ELAC1: variants seen among roughly 807,000 people sequenced by gnomAD.
ELAC1 encodes elaC ribonuclease Z 1.
Under a neutral mutation model 25.8 loss-of-function variants are expected in ELAC1, and 19 were observed. The ratio of observed to expected loss-of-function variants is 0.74; its 90% confidence interval spans 0.51 to 1.08. The LOEUF is 1.08. Among genes scored for constraint, ELAC1 ranks in the 50% least tolerant of loss-of-function variants. The pLI is 0.00. For missense variants in ELAC1, 403 were observed against 434.6 expected (o/e 0.93, Z 0.65); for synonymous variants, 148 against 160.9 (o/e 0.92, Z 0.61).
At chr18:50,986,472 A>G in intron 3 of ELAC1, 147 bp from the exon 4 acceptor site, 1 of 672,556 alleles carries the variant, frequency 1.5e-6, no homozygotes, top group Non-Finnish European at 2.5e-6. Flanking sequence ...TTAAAAATGT[A>G]TAAATCCAGT....
intron 1 of ELAC1, among the ~76,000 whole-genome samples, chr18:50,972,270 T>C (rs930438669): frequency 3.3e-5 from 5 of 152,130 alleles, no homozygotes; most frequent in Admixed American, 2.6e-4. Context: ...ACGTGAAGTG[T>C]ATTTTTATAT....
intron 3 of ELAC1, among the ~76,000 whole-genome samples, chr18:50,986,138 G>C (rs1908104226): frequency 6.6e-6 from 1 of 150,402 alleles, no homozygotes. Context: ...TTGTGCCTTG[G>C]CCTCCCATAT....
rs1026255352 is a variant in ELAC1, at chr18:50,971,775, A to G, written c.-8-2622A>G. The stretch of plus-strand genomic sequence containing the variant: ...TTATTTATTAACTTAAATTTTTTAA[A>G]TAGATACACGATAGTTGTTTGAACC... On this transcript the variant is annotated intron_variant, in intron 1 of 3. Transcript: ENST00000269466. 1.5e-4 allele frequency among the ~76,000 whole-genome samples: 23 copies of G among 151,386 alleles called. 1 individual carries two copies. Among genetic ancestry groups the G allele is most frequent in the African/African-American group, 2.4e-5 (1 of 41,244 alleles).
chr18:50,984,429 C>T lies in ELAC1; in HGVS notation c.491C>T (p.Ser164Leu). 6.2e-7 allele frequency: 1 copy of T among 1,613,854 alleles called. No homozygotes were observed. The highest frequency in any genetic ancestry group is 8.5e-7 in the Non-Finnish European group (1 of 1,179,776). Residue 164 changes from serine (S) to leucine (L), a missense_variant, in exon 3 of 4, where the codon TCA (serine) becomes TTA (leucine). Ser to Leu is a moderately radical substitution (Grantham distance 145). Transcript: ENST00000269466. ...ATCCTGTTAGACTCAGAAGAAAACTCATACCTTCTGTTTGATGATGAACAA... is the reference window on the plus strand; with the variant it reads ...ATCCTGTTAGACTCAGAAGAAAACTTATACCTTCTGTTTGATGATGAACAA... ...RTILLDSEEN[S>L]YLLFDDEQFV... is the part of the protein sequence containing the mutation.
At chr18:50,972,166 A>T (rs1429286389) in intron 1 of ELAC1, among the ~76,000 whole-genome samples, 1 of 151,692 alleles carries the variant, frequency 6.6e-6, no homozygotes, top group Non-Finnish European at 1.5e-5. Context: ...TGTCTTGCCA[A>T]TAAGGGCTTC....
At position 50,986,652 on chromosome 18, in the gene ELAC1, A is replaced by G; in HGVS notation, c.659A>G (p.Lys220Arg). ...CCAGGTCCTGCCTATGGGAAGCTGA[A>G]AAATGGAATTTCTGTTGTTCTGGAA... ...VPPGPAYGKLKNGISVVLENG... is the reference protein window; with the variant it reads ...VPPGPAYGKLRNGISVVLENG... The change falls in exon 4 of 4, where the codon AAA (lysine) becomes AGA (arginine). Residue 220 changes from lysine (K) to arginine (R), a missense_variant. Lys to Arg is a conservative substitution (Grantham distance 26). Transcript: ENST00000269466. The G allele has an allele frequency of 6.2e-7, 1 of 1,613,504 alleles. No individual in the cohort carries two copies. The highest frequency in any genetic ancestry group is 8.5e-7 in the Non-Finnish European group (1 of 1,179,576).
chr18:50,984,925 C>CT (rs917198071), intron 3 of ELAC1: 1 of 297,316 alleles, frequency 3.4e-6, no homozygotes, highest in African/African-American at 2.2e-5. Context: ...AAGCGAAACT[C>CT]TGTCTCAAAA....
chr18:50,971,407 A>G (rs1195077336), intron 1 of ELAC1, among the ~76,000 whole-genome samples: 2 of 152,078 alleles, frequency 1.3e-5, no homozygotes, highest in Non-Finnish European at 2.9e-5. Flanking sequence ...GTTTGTTGTG[A>G]GAGTGGGTCT....
chr18:50,972,582 A>T (rs1295659738), intron 1 of ELAC1, among the ~76,000 whole-genome samples: 3 of 152,158 alleles, frequency 2.0e-5, no homozygotes, highest in African/African-American at 7.2e-5. Flanking sequence ...CCCAGGTTCA[A>T]GCAATTCTGC....
At chr18:50,969,125 A>G (rs1907582659) in intron 1 of ELAC1, 1 of 152,208 alleles carries the variant, frequency 6.6e-6, no homozygotes, top group African/African-American at 2.4e-5. Context: ...TCCAGTCAGC[A>G]TTTACATTTT....
At chr18:50,977,234 G>A (rs992936269) in intron 2 of ELAC1, among the ~76,000 whole-genome samples, 2 of 152,182 alleles carry the variant, frequency 1.3e-5, no homozygotes, top group Non-Finnish European at 2.9e-5. Flanking sequence ...GGCTATGTGT[G>A]GGGGCTCACA....
At chr18:50,972,339 C>A (rs996425772) in intron 1 of ELAC1, among the ~76,000 whole-genome samples, 2 of 152,078 alleles carry the variant, frequency 1.3e-5, no homozygotes, top group African/African-American at 4.8e-5. Flanking sequence ...CCAATTATGT[C>A]AGTGCCATTC....
intron 2 of ELAC1, among the ~76,000 whole-genome samples, chr18:50,978,902 C>T (rs147824806): frequency 3.9e-5 from 6 of 152,210 alleles, no homozygotes; most frequent in East Asian, 3.9e-4. Context: ...ACAATTGAAC[C>T]GTAGTTATAT....
chr18:50,985,619 GT>G (rs1908088496), intron 3 of ELAC1, among the ~76,000 whole-genome samples: 1 of 152,158 alleles, frequency 6.6e-6, no homozygotes, highest in Admixed American at 6.5e-5. Flanking sequence ...GTGTGTGTTT[GT>G]TTTTTTATTT....
chr18:50,986,011 CTT>C (rs34348056), intron 3 of ELAC1, among the ~76,000 whole-genome samples: 7,480 of 84,566 alleles, frequency 0.088, 257 homozygotes, highest in African/African-American at 0.25. Flanking sequence ...TTGATTATAT[CTT>C]TTTTTTTTTT....
chr18:50,978,563 G>A (rs142079210), intron 2 of ELAC1, among the ~76,000 whole-genome samples: 4 of 152,246 alleles, frequency 2.6e-5, no homozygotes, highest in East Asian at 1.9e-4. Flanking sequence ...ACTTCCCACC[G>A]GGTCCCTCCC....
chr18:50,981,492 C>T (rs989321082), intron 2 of ELAC1, among the ~76,000 whole-genome samples: 4 of 152,086 alleles, frequency 2.6e-5, no homozygotes, highest in South Asian at 4.1e-4. Flanking sequence ...CTCAATATTC[C>T]ATTCCTCTGT....
chr18:50,984,250 G>A lies in ELAC1; in HGVS notation c.312G>A (p.Trp104Ter). The A allele has an allele frequency of 6.2e-7, 1 of 1,614,120 alleles. No homozygotes were observed. The highest frequency in any genetic ancestry group is 8.5e-7 in the Non-Finnish European group (1 of 1,180,026). Residue 104 changes from tryptophan to a stop codon, truncating the protein, a stop_gained, in exon 3 of 4, where the codon TGG becomes TGA. Transcript: ENST00000269466. LOFTEE classifies it high-confidence loss of function. ...YGPVGLRDFI[W>*]RTMELSHTEL... Reference sequence around the variant, plus strand: ...CTGTAGGGCTTCGGGACTTTATCTGGCGAACCATGGAACTCTCTCACACGG... The same window carrying A: ...CTGTAGGGCTTCGGGACTTTATCTGACGAACCATGGAACTCTCTCACACGG...
chr18:50,985,225 C>T (rs1014209680), intron 3 of ELAC1, among the ~76,000 whole-genome samples: 1 of 152,132 alleles, frequency 6.6e-6, no homozygotes, highest in African/African-American at 2.4e-5. Context: ...CCCTTTGATA[C>T]GTGTTTTTGA....
Sources: allele counts gnomAD v4.1 joint callset (sites outside exome capture counted in the v4.1 genomes callset), GRCh38; gene constraint gnomAD v4.1.1; transcripts MANE v1.5; gene names NCBI Gene and HGNC (gene_info 2026-07-23, HGNC 2026-07-21).